RASEF: variants seen among roughly 807,000 people sequenced by gnomAD.
RASEF encodes the protein RAS and EF-hand domain containing.
In RASEF, 68 loss-of-function variants were observed where a neutral mutation model predicts 90.1. That is an observed-to-expected ratio of 0.75 (90% CI 0.62 to 0.92). RASEF has a LOEUF of 0.92. Among genes scored for constraint, RASEF ranks in the 40% least tolerant of loss-of-function variants. The pLI, the probability that RASEF is intolerant of heterozygous loss-of-function variation, is 0.00. For missense variants in RASEF, 949 were observed against 937.2 expected (o/e 1.01, Z -0.16); for synonymous variants, 331 against 345.2 (o/e 0.96, Z 0.46).
At chr9:83,172,653 G>A in the RASEF span, among the ~76,000 whole-genome samples, 1 of 151,732 alleles carries the variant, frequency 6.6e-6, no homozygotes, top group Admixed American at 6.6e-5. Context: ...CTTTAAAAAT[G>A]TACACTAACT....
At position 83,000,159 on chromosome 9, in the gene RASEF, C is replaced by A. The variant is rs551669693; in HGVS notation, c.1723+10G>T. 6.8e-6 allele frequency: 11 copies of A among 1,609,034 alleles called. No homozygotes were observed. Among genetic ancestry groups the A allele is most frequent in the Non-Finnish European group, 9.3e-6 (11 of 1,178,372 alleles). On this transcript the variant is annotated intron_variant, in intron 12 of 16. Coordinates refer to ENST00000376447, the MANE Select transcript of RASEF (RefSeq NM_152573.4). ...CATTTTCCCATTATCAACCGAAATACGAGCCATACCCAGGGTGGCGCTTAT... is the reference window on the plus strand; with the variant it reads ...CATTTTCCCATTATCAACCGAAATAAGAGCCATACCCAGGGTGGCGCTTAT...
chr9:83,013,842 C>T (rs1286423610), intron 4 of RASEF, among the ~76,000 whole-genome samples: 3 of 152,124 alleles, frequency 2.0e-5, no homozygotes, highest in Non-Finnish European at 4.4e-5. Flanking sequence ...AAATGTCAGT[C>T]ATTATGGTTA....
chr9:83,157,332 C>T, the RASEF span, among the ~76,000 whole-genome samples: 1 of 152,212 alleles, frequency 6.6e-6, no homozygotes, highest in African/African-American at 2.4e-5. Context: ...GTGTTGGAAA[C>T]TTAATCCCTC....
chr9:83,176,190 C>T, the RASEF span, among the ~76,000 whole-genome samples: 1 of 152,146 alleles, frequency 6.6e-6, no homozygotes, highest in African/African-American at 2.4e-5. Context: ...CTCTGCTGTG[C>T]ATATATGTTT....
intron 1 of RASEF, among the ~76,000 whole-genome samples, chr9:83,044,191 T>A (rs1829889881): frequency 1.3e-5 from 2 of 152,160 alleles, no homozygotes; most frequent in South Asian, 4.1e-4. Flanking sequence ...ATGTCTTCCT[T>A]TCACAGAGCA....
At chr9:83,148,616 C>T in the RASEF span, among the ~76,000 whole-genome samples, 1 of 152,200 alleles carries the variant, frequency 6.6e-6, no homozygotes, top group Non-Finnish European at 1.5e-5. Context: ...TGTGACAATA[C>T]ATCTCTGATA....
At chr9:83,024,396 C>T (rs886725510) in intron 2 of RASEF, among the ~76,000 whole-genome samples, 1 of 152,136 alleles carries the variant, frequency 6.6e-6, no homozygotes, top group Admixed American at 6.5e-5. Context: ...TGCATGTGTA[C>T]CCACATATCT....
upstream of RASEF, among the ~76,000 whole-genome samples, chr9:83,063,682 TA>T (rs994319965): frequency 5.3e-5 from 8 of 152,344 alleles, no homozygotes; most frequent in African/African-American, 1.9e-4. Context: ...AAAAATTTGA[TA>T]AACAAAATCG....
intron 4 of RASEF, among the ~76,000 whole-genome samples, chr9:83,014,746 A>T (rs1219818403): frequency 6.6e-6 from 1 of 152,232 alleles, no homozygotes; most frequent in Non-Finnish European, 1.5e-5. Flanking sequence ...CCAGCAGGTG[A>T]GAGTCTGCTT....
the RASEF span, among the ~76,000 whole-genome samples, chr9:83,208,651 C>T: frequency 3.3e-5 from 5 of 152,166 alleles, no homozygotes; most frequent in Non-Finnish European, 5.9e-5. Flanking sequence ...CACCTCCTCC[C>T]TCCCTCTCAT....
At chr9:83,138,391 T>C in the RASEF span, among the ~76,000 whole-genome samples, 1 of 152,182 alleles carries the variant, frequency 6.6e-6, no homozygotes, top group Non-Finnish European at 1.5e-5. Context: ...GAAGTAATCA[T>C]GCTGTCAAGC....
Position 83,035,092 on chromosome 9 carries a change from T to C in RASEF, c.432-9171A>G, listed in dbSNP as rs139648977. On this transcript the variant is annotated intron_variant, in intron 1 of 16. Transcript: ENST00000376447. ...GACAGAAATGTCTTACGCGTGGCAG[T>C]ACTCTGGGAACTGAAAAGGGACAAT... 8.9e-3 allele frequency among the ~76,000 whole-genome samples: 1,356 copies of C among 152,282 alleles called. 20 individuals are homozygous for C. Among genetic ancestry groups the C allele is most frequent in the African/African-American group, 0.031 (1,275 of 41,552 alleles).
chr9:83,060,906 A>G (rs1830191629), intron 1 of RASEF, among the ~76,000 whole-genome samples: 1 of 152,206 alleles, frequency 6.6e-6, no homozygotes, highest in African/African-American at 2.4e-5. Flanking sequence ...AATTCCACCA[A>G]TAATATTAAT....
chr9:83,204,514 G>T, the RASEF span, among the ~76,000 whole-genome samples: 2,169 of 152,252 alleles, frequency 0.014, 18 homozygotes, highest in South Asian at 0.033. Context: ...GGACAAAAAA[G>T]GTTCCCAGGG....
At chr9:83,059,269 T>TACACACACACACACACACACAC (rs59546421) in intron 1 of RASEF, among the ~76,000 whole-genome samples, 2 of 129,088 alleles carry the variant, frequency 1.5e-5, no homozygotes, top group African/African-American at 6.1e-5. Context: ...AAATGCTCAA[T>TACACACACACACACACACACAC]ACACACACAC....
At chr9:83,017,135 G>C (rs755519039) in intron 3 of RASEF, among the ~76,000 whole-genome samples, 1 of 152,060 alleles carries the variant, frequency 6.6e-6, no homozygotes, top group African/African-American at 2.4e-5. Flanking sequence ...TTGACTGCAA[G>C]TCCCTTCATT....
the RASEF span, among the ~76,000 whole-genome samples, chr9:83,208,962 A>G: frequency 3.9e-5 from 6 of 152,176 alleles, no homozygotes; most frequent in African/African-American, 9.7e-5. Context: ...GAGCTGCACA[A>G]GAACTTCTGG....
intron 1 of RASEF, among the ~76,000 whole-genome samples, chr9:83,029,559 A>ATT (rs59621078): frequency 8.2e-4 from 107 of 130,346 alleles, no homozygotes; most frequent in East Asian, 9.2e-4. Context: ...CACCAAACTA[A>ATT]TTTTTTTTTT....
At chr9:83,029,559 ATTTTTTTT>A (rs59621078) in intron 1 of RASEF, among the ~76,000 whole-genome samples, 1 of 130,344 alleles carries the variant, frequency 7.7e-6, no homozygotes, top group Non-Finnish European at 1.6e-5. Flanking sequence ...CACCAAACTA[ATTTTTTTT>A]TTTTTTTTTT....
Sources: gnomAD v4.1 joint callset for allele counts (sites outside exome capture counted in the v4.1 genomes callset) on GRCh38, gnomAD v4.1.1 for gene constraint, MANE v1.5 for transcripts, NCBI Gene and HGNC (gene_info 2026-07-23, HGNC 2026-07-21) for gene names.